AKAP7: variants seen among roughly 807,000 people sequenced by gnomAD.
AKAP7 encodes the protein A-kinase anchoring protein 7, also known as A kinase (PRKA) anchor protein 7.
In AKAP7, 39 loss-of-function variants were observed where a neutral mutation model predicts 39.5. The ratio of observed to expected loss-of-function variants is 0.99; its 90% confidence interval spans 0.76 to 1.29. The LOEUF is 1.29. Ranked by LOEUF, AKAP7 falls within the 50% of genes most tolerant of loss-of-function variation. The pLI is 0.00. For synonymous variants in AKAP7, 140 were observed against 139.1 expected, an observed-to-expected ratio of 1.01 and a Z score of -0.05; for missense variants, 414 against 407.7, an observed-to-expected ratio of 1.02 and a Z score of -0.13.
intron 2 of AKAP7, among the ~76,000 whole-genome samples, chr6:131,149,261 T>G (rs1259875325): frequency 6.6e-6 from 1 of 152,244 alleles, no homozygotes; most frequent in African/African-American, 2.4e-5. Context: ...GAAGATAACA[T>G]GCATTAGAAC....
chr6:131,186,164 G>A (rs558675796), intron 5 of AKAP7, among the ~76,000 whole-genome samples: 1 of 152,276 alleles, frequency 6.6e-6, no homozygotes, highest in South Asian at 2.1e-4. Flanking sequence ...GAGGTGATTG[G>A]ATCATCATCC....
intron 7 of AKAP7, among the ~76,000 whole-genome samples, chr6:131,232,554 G>A (rs375659993): frequency 4.6e-5 from 7 of 152,048 alleles, no homozygotes; most frequent in Non-Finnish European, 7.4e-5. Context: ...CTGGCCGGCC[G>A]GTGGCTCACA....
upstream of AKAP7, among the ~76,000 whole-genome samples, chr6:131,131,175 A>T (rs1800319598): frequency 6.6e-6 from 1 of 152,152 alleles, no homozygotes; most frequent in Non-Finnish European, 1.5e-5. Context: ...AGGCCATGAG[A>T]TTACACATCC....
At chr6:131,278,524 G>GA (rs922915483) in intron 7 of AKAP7, among the ~76,000 whole-genome samples, 17 of 152,286 alleles carry the variant, frequency 1.1e-4, no homozygotes, top group Non-Finnish European at 1.3e-4. Flanking sequence ...AATTTATAAA[G>GA]AAAAGAGGTT....
intron 5 of AKAP7, among the ~76,000 whole-genome samples, chr6:131,188,459 G>A (rs1806085158): frequency 6.6e-6 from 1 of 152,192 alleles, no homozygotes; most frequent in African/African-American, 2.4e-5. Flanking sequence ...TACAATAGTA[G>A]TAGAAAGTAT....
intron 3 of AKAP7, among the ~76,000 whole-genome samples, chr6:131,162,693 C>T (rs1485089737): frequency 1.3e-5 from 2 of 152,308 alleles, no homozygotes; most frequent in African/African-American, 4.8e-5. Flanking sequence ...TCTACCCTTC[C>T]TTGGGCTTGC....
At position 131,145,328 on chromosome 6, in the gene AKAP7, G is replaced by A. The variant is rs1584939683; in HGVS notation, c.63G>A (p.Lys21=). 3 of 1,559,502 alleles carry A rather than the reference G, an allele frequency of 1.9e-6. No homozygotes were observed. The highest frequency in any genetic ancestry group is 2.6e-6 in the Non-Finnish European group (3 of 1,148,542). The stretch of plus-strand genomic sequence containing the variant: ...AGTGTGAAAATGTATCAAGAAAAAA[G>A]AAAATGTCAGAGGAATTTGAAGCCA... ...SNECENVSRK[K]KMSEEFEANT... Residue 21 remains lysine, a synonymous_variant, in exon 2 of 8, where the codon AAG becomes AAA. Transcript: ENST00000431975.
intron 1 of AKAP7, among the ~76,000 whole-genome samples, chr6:131,138,096 C>G (rs148536163): frequency 6.6e-6 from 1 of 152,122 alleles, no homozygotes. Context: ...CAGTCACCAT[C>G]CATGTTCCCC....
At chr6:131,218,893 T>C (rs1433985116) in intron 6 of AKAP7, among the ~76,000 whole-genome samples, 2 of 152,188 alleles carry the variant, frequency 1.3e-5, no homozygotes, top group African/African-American at 4.8e-5. Context: ...ATTAGGGCAT[T>C]TTTTCCACTA....
chr6:131,128,165 AT>A, the AKAP7 span, among the ~76,000 whole-genome samples: 1 of 152,218 alleles, frequency 6.6e-6, no homozygotes, highest in Non-Finnish European at 1.5e-5. Flanking sequence ...TGAACCTAAA[AT>A]AAAAGTTAAA....
At chr6:131,163,374 CT>C (rs1481750422) in intron 3 of AKAP7, among the ~76,000 whole-genome samples, 2 of 152,116 alleles carry the variant, frequency 1.3e-5, no homozygotes, top group Admixed American at 1.3e-4. Context: ...TGTTAATTTT[CT>C]TTTTAAACTA....
At chr6:131,150,436 T>A (rs974375637) in intron 2 of AKAP7, among the ~76,000 whole-genome samples, 3 of 152,140 alleles carry the variant, frequency 2.0e-5, no homozygotes, top group Admixed American at 6.6e-5. Flanking sequence ...TCTTTGTACT[T>A]GATATAGTAG....
In AKAP7 at chr6:131,233,062, A is replaced by G. The variant is rs13191244; in HGVS notation, c.850+13254A>G. ...ACTTTTGCATACAATATTTTATATC[A>G]TAGGTGAAGATAAAAACTTGGTTTA... On this transcript the variant is annotated intron_variant, in intron 7 of 7. Coordinates refer to ENST00000431975, the MANE Select transcript of AKAP7 (RefSeq NM_016377.4). Among the ~76,000 whole-genome samples the G allele has an allele frequency of 2.3e-4, 35 of 152,160 alleles. 1 individual carries two copies. The highest frequency in any genetic ancestry group is 6.8e-3 in the Middle Eastern group (2 of 294).
At chr6:131,130,543 G>T (rs1407598753), upstream of AKAP7, among the ~76,000 whole-genome samples, 2 of 152,200 alleles carry the variant, frequency 1.3e-5, no homozygotes, top group Admixed American at 6.5e-5. Context: ...TTGTCCACCC[G>T]CTTCGGCCTT....
chr6:131,273,394 T>C (rs916889101), intron 7 of AKAP7, among the ~76,000 whole-genome samples: 3 of 152,194 alleles, frequency 2.0e-5, no homozygotes, highest in African/African-American at 7.2e-5. Context: ...ATCTGTTCTT[T>C]GCTTCTTTTT....
chr6:131,141,096 G>T (rs1800990184), intron 1 of AKAP7, among the ~76,000 whole-genome samples: 1 of 152,058 alleles, frequency 6.6e-6, no homozygotes, highest in African/African-American at 2.4e-5. Flanking sequence ...AGGCTTTGTT[G>T]TTTTTTGCTT....
intron 7 of AKAP7, among the ~76,000 whole-genome samples, chr6:131,226,103 C>T (rs573567347): frequency 5.8e-4 from 88 of 152,346 alleles, no homozygotes; most frequent in African/African-American, 1.9e-3. Context: ...GAGTAATAGG[C>T]ATTGTGACCT....
chr6:131,154,469 T>G (rs778081150), intron 2 of AKAP7, among the ~76,000 whole-genome samples: 236 of 37,106 alleles, frequency 6.4e-3, no homozygotes, highest in Middle Eastern at 0.021. Context: ...CCTGTCCCTG[T>G]TTTTTTTTTT....
intron 3 of AKAP7, among the ~76,000 whole-genome samples, chr6:131,161,340 T>C (rs1416538161): frequency 6.6e-6 from 1 of 152,080 alleles, no homozygotes; most frequent in Non-Finnish European, 1.5e-5. Context: ...GGTTGAGGAA[T>C]ACTTTTTAAA....
Sources: gnomAD v4.1 joint callset for allele counts (sites outside exome capture counted in the v4.1 genomes callset) on GRCh38, gnomAD v4.1.1 for gene constraint, MANE v1.5 for transcripts, NCBI Gene and HGNC (gene_info 2026-07-23, HGNC 2026-07-21) for gene names.